Variants in ADAMTSL3 observed in about 807,000 individuals in gnomAD.
ADAMTSL3 encodes ADAMTS like 3, also known as ADAMTS-like protein 3.
ADAMTSL3 carries 128 observed loss-of-function variants against 201.7 expected under a neutral mutation model. That is an observed-to-expected ratio of 0.63 (90% CI 0.55 to 0.73). The LOEUF is 0.73. ADAMTSL3 is among the 30% of genes least tolerant of loss of function. The probability of loss-of-function intolerance (pLI) is 0.00; values close to 1 mark genes in which losing one functional copy is unlikely to be tolerated. For synonymous variants in ADAMTSL3, 738 were observed against 748.4 expected, an observed-to-expected ratio of 0.99 and a Z score of 0.23; for missense variants, 1,990 against 2,119.6, an observed-to-expected ratio of 0.94 and a Z score of 1.20.
chr15:83,677,431 T>A (rs2061421985), intron 2 of ADAMTSL3, among the ~76,000 whole-genome samples: 1 of 152,196 alleles, frequency 6.6e-6, no homozygotes. Flanking sequence ...TATCAGTTTT[T>A]GCTTCAAATA....
intron 3 of ADAMTSL3, among the ~76,000 whole-genome samples, chr15:83,766,660 C>G (rs1314020190): frequency 6.6e-6 from 1 of 152,160 alleles, no homozygotes; most frequent in African/African-American, 2.4e-5. Flanking sequence ...GGAAAACACA[C>G]AGATGTCCAT....
chr15:83,822,152 C>A (rs1280571427), intron 6 of ADAMTSL3, among the ~76,000 whole-genome samples: 5 of 147,710 alleles, frequency 3.4e-5, no homozygotes, highest in Admixed American at 1.3e-4. Context: ...CCCTCCCAGA[C>A]GGGGCGGCTG....
intron 3 of ADAMTSL3, among the ~76,000 whole-genome samples, chr15:83,735,750 T>C (rs2585067): frequency 0.2 from 30,325 of 152,006 alleles, 3,958 homozygotes; most frequent in Middle Eastern, 0.36. Context: ...CTTAGTACAG[T>C]AAATTGGATT....
chr15:84,004,663 C>T (rs2067860643), intron 23 of ADAMTSL3, among the ~76,000 whole-genome samples: 1 of 152,184 alleles, frequency 6.6e-6, no homozygotes, highest in South Asian at 2.1e-4. Flanking sequence ...GCTCCATGCT[C>T]TGGGCTCATT....
intron 2 of ADAMTSL3, among the ~76,000 whole-genome samples, chr15:83,696,153 A>G (rs553391031): frequency 1.3e-5 from 2 of 152,304 alleles, no homozygotes; most frequent in African/African-American, 4.8e-5. Context: ...TTCCTGACTC[A>G]TGGAATATTG....
At chr15:83,876,160 C>T (rs2065173760) in intron 9 of ADAMTSL3, among the ~76,000 whole-genome samples, 2 of 152,060 alleles carry the variant, frequency 1.3e-5, no homozygotes, top group South Asian at 4.2e-4. Context: ...CATGGTATTC[C>T]CTTATTGTTA....
rs144077662 is a variant in ADAMTSL3, at chr15:83,942,964, C to T, written c.2372C>T (p.Thr791Met). Residue 791 changes from threonine to methionine, a missense_variant, in exon 19 of 30, where the codon ACG becomes ATG. Physicochemically the swap from Thr to Met is moderately conservative, Grantham distance 81. Coordinates refer to ENST00000286744, the MANE Select transcript of ADAMTSL3 (RefSeq NM_207517.3). The stretch of plus-strand genomic sequence containing the variant: ...AGAGTCACCTGTCGGCAGCTGCTAA[C>T]GGATGGCAGCTTTTTGAATCTCTCA... ...NRRVTCRQLL[T>M]DGSFLNLSDE... 136 of 1,613,980 alleles carry T rather than the reference C, an allele frequency of 8.4e-5. No homozygotes were observed. The highest frequency in any genetic ancestry group is 1.7e-4 in the Middle Eastern group (1 of 6,056).
At chr15:83,923,596 G>T (rs921968758) in intron 16 of ADAMTSL3, among the ~76,000 whole-genome samples, 2 of 152,192 alleles carry the variant, frequency 1.3e-5, no homozygotes, top group Admixed American at 1.3e-4. Flanking sequence ...GAGTACATTT[G>T]GAATGCAGAT....
chr15:83,813,430 A>C (rs1210509893), intron 5 of ADAMTSL3, among the ~76,000 whole-genome samples: 1 of 152,236 alleles, frequency 6.6e-6, no homozygotes, highest in Non-Finnish European at 1.5e-5. Flanking sequence ...AAAAAAATTC[A>C]GTCACTCAAG....
In ADAMTSL3 at chr15:83,977,261, C is replaced by G. The variant is rs1333550697; in HGVS notation, c.2645-5012C>G. ...AAACCATCTAGCCCCCAATCCCCAC[C>G]CCGACAACTGGTTTGTGGAAAAACT... On this transcript the variant is annotated intron_variant, in intron 20 of 29. Transcript: ENST00000286744. Among the ~76,000 whole-genome samples, 2 of 151,610 alleles carry G rather than the reference C, an allele frequency of 1.3e-5. 1 individual carries two copies. Among genetic ancestry groups the G allele is most frequent in the Non-Finnish European group, 2.9e-5 (2 of 68,012 alleles).
At chr15:83,979,226 C>G (rs1277025271) in intron 20 of ADAMTSL3, among the ~76,000 whole-genome samples, 1 of 152,236 alleles carries the variant, frequency 6.6e-6, no homozygotes, top group Non-Finnish European at 1.5e-5. Flanking sequence ...AACAATCGAT[C>G]TCCACATATT....
intron 19 of ADAMTSL3, among the ~76,000 whole-genome samples, chr15:83,955,815 G>T (rs941280503): frequency 7.9e-5 from 12 of 151,818 alleles, no homozygotes; most frequent in Admixed American, 1.3e-4. Flanking sequence ...CCTCTTGACT[G>T]GTCTCTCTCC....
At chr15:83,821,848 C>T (rs1291649963) in intron 6 of ADAMTSL3, among the ~76,000 whole-genome samples, 24 of 150,574 alleles carry the variant, frequency 1.6e-4, no homozygotes, top group Non-Finnish European at 3.3e-4. Context: ...ACCTCCCGGA[C>T]GGGGCGGCTG....
chr15:83,960,276 T>C (rs571594850), intron 19 of ADAMTSL3, among the ~76,000 whole-genome samples: 5 of 152,310 alleles, frequency 3.3e-5, no homozygotes, highest in African/African-American at 1.2e-4. Flanking sequence ...GAAGGAACAC[T>C]GTGTCTTCAA....
intron 19 of ADAMTSL3, among the ~76,000 whole-genome samples, chr15:83,943,750 T>C (rs1383040443): frequency 1.3e-5 from 2 of 152,252 alleles, no homozygotes; most frequent in African/African-American, 4.8e-5. Context: ...GCCCACTTGA[T>C]CTTTCTGTAT....
intron 20 of ADAMTSL3, among the ~76,000 whole-genome samples, chr15:83,974,998 C>CTTTT (rs35557833): frequency 6.1e-4 from 59 of 96,162 alleles, no homozygotes; most frequent in African/African-American, 1.5e-3. Context: ...CAGCCTGCGT[C>CTTTT]TTTTTTTTTT....
chr15:83,909,788 G>C (rs1300371380), intron 15 of ADAMTSL3, among the ~76,000 whole-genome samples: 1 of 151,878 alleles, frequency 6.6e-6, no homozygotes, highest in Non-Finnish European at 1.5e-5. Context: ...CTAATTTTTT[G>C]TATTTTTAGT....
chr15:84,027,446 C>T (rs1037909648), intron 27 of ADAMTSL3, among the ~76,000 whole-genome samples: 42 of 152,268 alleles, frequency 2.8e-4, no homozygotes, highest in African/African-American at 8.7e-4. Flanking sequence ...AAACGGAGGC[C>T]GGGCGCGGTG....
At chr15:83,715,169 A>T (rs546380994) in intron 3 of ADAMTSL3, among the ~76,000 whole-genome samples, 1 of 152,262 alleles carries the variant, frequency 6.6e-6, no homozygotes, top group African/African-American at 2.4e-5. Flanking sequence ...AGAAAACACA[A>T]TGCAGGATGT....
Sources: gnomAD v4.1 joint callset for allele counts (sites outside exome capture counted in the v4.1 genomes callset) on GRCh38, gnomAD v4.1.1 for gene constraint, MANE v1.5 for transcripts, NCBI Gene and HGNC (gene_info 2026-07-23, HGNC 2026-07-21) for gene names.